The following STXBP5L variants were observed in gnomAD, a reference collection of about 807,000 sequenced individuals.
STXBP5L encodes the protein syntaxin-binding protein 5-like.
A neutral mutation model predicts 144.5 loss-of-function variants in STXBP5L; 65 were observed. That is an observed-to-expected ratio of 0.45 (90% CI 0.37 to 0.55). The LOEUF (loss-of-function observed/expected upper bound fraction) is 0.55. Among genes scored for constraint, STXBP5L ranks in the 20% least tolerant of loss-of-function variants. STXBP5L has a pLI of 0.00. For missense variants in STXBP5L, 1,298 were observed against 1,405.5 expected (o/e 0.92, Z 1.22); for synonymous variants, 505 against 469.6 (o/e 1.08, Z -0.97).
intron 13 of STXBP5L, among the ~76,000 whole-genome samples, chr3:121,239,793 G>T (rs1323490065): frequency 6.6e-6 from 1 of 151,276 alleles, no homozygotes; most frequent in African/African-American, 2.4e-5. Context: ...CACCAGCATG[G>T]CACATGTATA....
intron 20 of STXBP5L, among the ~76,000 whole-genome samples, chr3:121,349,891 A>T (rs1487585644): frequency 1.3e-5 from 2 of 152,010 alleles, no homozygotes; most frequent in African/African-American, 4.8e-5. Context: ...CAGCACACTG[A>T]TGGGTCTTGA....
chr3:121,250,040 C>G (rs2049981535), intron 14 of STXBP5L, among the ~76,000 whole-genome samples: 1 of 151,792 alleles, frequency 6.6e-6, no homozygotes, highest in Non-Finnish European at 1.5e-5. Context: ...CTAAGAAAAC[C>G]CACTTAGTCA....
chr3:121,218,617 A>G (rs1371154888), intron 10 of STXBP5L, among the ~76,000 whole-genome samples: 2 of 151,914 alleles, frequency 1.3e-5, no homozygotes, highest in East Asian at 3.9e-4. Context: ...GAGAACCATG[A>G]AGAGAGAAAT....
intron 20 of STXBP5L, 71 bp downstream of exon 20, chr3:121,318,611 C>G: frequency 9.2e-7 from 1 of 1,084,506 alleles, no homozygotes; most frequent in South Asian, 2.2e-5. Flanking sequence ...TTTTCATGAT[C>G]TTTATAATGT....
At chr3:121,041,569 G>A in intron 3 of STXBP5L, 131 bp from the exon 4 acceptor site, 1 of 641,818 alleles carries the variant, frequency 1.6e-6, no homozygotes. Context: ...CTAAGAGTAA[G>A]ATTTTTCAAC....
chr3:121,067,346 G>A (rs1046965988), intron 5 of STXBP5L, among the ~76,000 whole-genome samples: 1 of 151,910 alleles, frequency 6.6e-6, no homozygotes, highest in Non-Finnish European at 1.5e-5. Flanking sequence ...ATTTATTAAT[G>A]TTGAACTAAA....
intron 5 of STXBP5L, among the ~76,000 whole-genome samples, chr3:121,053,950 CAAAAG>C (rs1427883321): frequency 2.0e-5 from 3 of 152,110 alleles, no homozygotes; most frequent in Non-Finnish European, 4.4e-5. Context: ...AGACACTTCT[CAAAAG>C]AAGACATTTA....
At position 121,394,692 on chromosome 3, in the gene STXBP5L, C is replaced by A. The variant is rs542704163; in HGVS notation, c.2588-12551C>A. On this transcript the variant is annotated intron_variant, in intron 22 of 26. Transcript: ENST00000471454. The stretch of plus-strand genomic sequence containing the variant: ...CGATCTCAGCTCACTGCAAGCTCCA[C>A]CTCCTGGGTTCAGGCCATTCTCCTG... Among the ~76,000 whole-genome samples the A allele has an allele frequency of 1.5e-3, 218 of 149,274 alleles. 1 individual carries two copies. Among genetic ancestry groups the A allele is most frequent in the Middle Eastern group, 3.5e-3 (1 of 286 alleles).
chr3:121,369,944 C>A (rs2045981183), intron 20 of STXBP5L, among the ~76,000 whole-genome samples: 1 of 152,106 alleles, frequency 6.6e-6, no homozygotes, highest in Non-Finnish European at 1.5e-5. Flanking sequence ...GTGTCCCCAC[C>A]TAAATCTCAT....
In STXBP5L at chr3:121,043,799, T is replaced by A. The variant is rs183573268; in HGVS notation, c.370-1636T>A. Among the ~76,000 whole-genome samples, 124 of 152,344 alleles carry A rather than the reference T, an allele frequency of 8.1e-4. 1 individual carries two copies. The highest frequency in any genetic ancestry group is 1.5e-3 in the Non-Finnish European group (99 of 68,030). ...AAGATATTATTGAATATATGCTACTTTAATAACATTGCCTTTGGCATGTTT... is the reference window on the plus strand; with the variant it reads ...AAGATATTATTGAATATATGCTACTATAATAACATTGCCTTTGGCATGTTT... On this transcript the variant is annotated intron_variant, in intron 4 of 26. Transcript: ENST00000471454.
intron 22 of STXBP5L, among the ~76,000 whole-genome samples, chr3:121,382,267 A>T (rs182884315): frequency 6.6e-6 from 1 of 152,010 alleles, no homozygotes; most frequent in Non-Finnish European, 1.5e-5. Context: ...TTTTAAAAGG[A>T]TATATATTAT....
chr3:121,035,630 T>C (rs1946694947), intron 3 of STXBP5L, among the ~76,000 whole-genome samples: 1 of 152,132 alleles, frequency 6.6e-6, no homozygotes, highest in African/African-American at 2.4e-5. Context: ...AATGTGAGGC[T>C]GGGCAATGTT....
chr3:121,194,644 T>C (rs577600014), intron 9 of STXBP5L, among the ~76,000 whole-genome samples: 1 of 152,298 alleles, frequency 6.6e-6, no homozygotes, highest in South Asian at 2.1e-4. Flanking sequence ...GAAAAATTGA[T>C]ACTAATTCTT....
At position 121,045,680 on chromosome 3, in the gene STXBP5L, C is replaced by T. The variant is rs533055735; in HGVS notation, c.470+145C>T. 6.7e-6 allele frequency: 5 copies of T among 748,224 alleles called. No individual in the cohort carries two copies. The South Asian group carries it at 1.0e-4, about 15-fold the overall frequency. 46.3% of individuals were successfully genotyped at this position (748,224 alleles called of 1,614,324 possible). On this transcript the variant is annotated intron_variant, in intron 5 of 26. Coordinates refer to ENST00000471454, the MANE Select transcript of STXBP5L (RefSeq NM_001308330.2). ...TTTATGCTTACTTTCATAGTGTTTT[C>T]TTTTTTGTAGAAAATGCGTAATTGA... is the stretch of plus-strand genomic sequence containing the variant.
At chr3:120,980,234 A>G (rs1296613983) in intron 3 of STXBP5L, among the ~76,000 whole-genome samples, 1 of 152,156 alleles carries the variant, frequency 6.6e-6, no homozygotes, top group Non-Finnish European at 1.5e-5. Flanking sequence ...TATCTGTTCT[A>G]TTTAGTCTAG....
At chr3:121,395,855 G>A (rs1212190740) in intron 22 of STXBP5L, among the ~76,000 whole-genome samples, 1 of 152,172 alleles carries the variant, frequency 6.6e-6, no homozygotes, top group Non-Finnish European at 1.5e-5. Flanking sequence ...GACAGGTGTT[G>A]CTTGTGACAG....
At chr3:121,141,006 T>C (rs932412751) in intron 7 of STXBP5L, among the ~76,000 whole-genome samples, 10 of 152,102 alleles carry the variant, frequency 6.6e-5, no homozygotes, top group African/African-American at 2.4e-4. Context: ...GATAAAAACA[T>C]ACAATGTTAT....
intron 2 of STXBP5L, among the ~76,000 whole-genome samples, chr3:120,949,377 C>A (rs566636283): frequency 3.9e-5 from 6 of 152,024 alleles, no homozygotes; most frequent in Non-Finnish European, 8.8e-5. Flanking sequence ...TCTGTTTACT[C>A]TGCTGATTAT....
At chr3:121,246,815 T>C (rs996860013) in intron 14 of STXBP5L, among the ~76,000 whole-genome samples, 1 of 152,130 alleles carries the variant, frequency 6.6e-6, no homozygotes, top group African/African-American at 2.4e-5. Flanking sequence ...GCTAAGTGCA[T>C]AATGCAGACA....
Sources: allele counts gnomAD v4.1 joint callset (sites outside exome capture counted in the v4.1 genomes callset), GRCh38; gene constraint gnomAD v4.1.1; transcripts MANE v1.5; gene names NCBI Gene and HGNC (gene_info 2026-07-23, HGNC 2026-07-21).